Variants in KCNQ5 observed in about 807,000 individuals in gnomAD.
The protein encoded by KCNQ5 is potassium voltage-gated channel subfamily KQT member 5.
In KCNQ5, 30 loss-of-function variants were observed where a neutral mutation model predicts 98.2. The ratio of observed to expected loss-of-function variants is 0.31; its 90% CI spans 0.23 to 0.41. KCNQ5 has a LOEUF of 0.41. Ranked by LOEUF, KCNQ5 falls within the 10% of genes least tolerant of loss-of-function variation. The pLI is 1.00. For missense variants in KCNQ5, 835 were observed against 1,182.5 expected (o/e 0.71, Z 4.31); for synonymous variants, 458 against 449.4 (o/e 1.02, Z -0.24).
intron 1 of KCNQ5, among the ~76,000 whole-genome samples, chr6:72,776,617 A>G (rs944922177): frequency 6.6e-6 from 1 of 152,228 alleles, no homozygotes; most frequent in Non-Finnish European, 1.5e-5. Flanking sequence ...CCTTAACTTC[A>G]CATGAAATAA....
At position 73,063,714 on chromosome 6, in the gene KCNQ5, AGATAGAT is replaced by A. The variant is rs1162750748; in HGVS notation, c.617-13600_617-13594del. ...TAGATAGATAGATAGATAGATAGAT[AGATAGAT>A]GATAGATAGATAGATAGATAGATAG... is the stretch of plus-strand genomic sequence containing the variant. On this transcript the variant is annotated intron_variant, in intron 3 of 13. Transcript: ENST00000370398. Among the ~76,000 whole-genome samples, 70 of 108,296 alleles carry A rather than the reference AGATAGAT, an allele frequency of 6.5e-4. 1 individual carries two copies. The highest frequency in any genetic ancestry group is 6.1e-4 in the African/African-American group (18 of 29,348). The allele number at this position is 108,296 out of a possible 152,430, so 71.0% of individuals were successfully genotyped here.
intron 1 of KCNQ5, among the ~76,000 whole-genome samples, chr6:72,639,904 T>G (rs772887924): frequency 9.9e-5 from 15 of 151,868 alleles, no homozygotes; most frequent in Admixed American, 1.3e-4. Context: ...TTAAAGTAAT[T>G]GAGAATAACA....
intron 1 of KCNQ5, among the ~76,000 whole-genome samples, chr6:72,951,204 A>C (rs1766786762): frequency 6.6e-6 from 1 of 152,158 alleles, no homozygotes; most frequent in Non-Finnish European, 1.5e-5. Flanking sequence ...CCCTCAAAAA[A>C]TTATTCTGTT....
Position 73,077,747 on chromosome 6 carries a change from TC to T in KCNQ5, c.793-13del, listed in dbSNP as rs746410099. On this transcript the variant is annotated splice_polypyrimidine_tract_variant and intron_variant, in intron 4 of 13. Transcript: ENST00000370398. Reference sequence around the variant, plus strand: ...TTTCCCACCTCTAAAAATCTTTCATTCCTTTTATATCTAGGAATTAATCACA... The same window carrying T: ...TTTCCCACCTCTAAAAATCTTTCATTCTTTTATATCTAGGAATTAATCACA... 4.4e-6 allele frequency: 7 copies of T among 1,590,506 alleles called. No individual in the cohort carries two copies. The highest frequency in any genetic ancestry group is 1.7e-4 in the Middle Eastern group (1 of 5,942).
chr6:73,173,598 T>C (rs554560293), intron 11 of KCNQ5, among the ~76,000 whole-genome samples: 40 of 152,310 alleles, frequency 2.6e-4, no homozygotes, highest in African/African-American at 7.5e-4. Flanking sequence ...AGTCATTACA[T>C]ATATATACAT....
intron 9 of KCNQ5, among the ~76,000 whole-genome samples, chr6:73,130,293 T>A (rs1460630068): frequency 6.6e-6 from 1 of 152,222 alleles, no homozygotes; most frequent in Non-Finnish European, 1.5e-5. Flanking sequence ...CACAGTTGCC[T>A]GGCAGAGAAC....
chr6:72,750,706 T>C (rs1561959269), intron 1 of KCNQ5, among the ~76,000 whole-genome samples: 1 of 152,078 alleles, frequency 6.6e-6, no homozygotes, highest in Non-Finnish European at 1.5e-5. Context: ...TTAAAAATGC[T>C]TTGAATAATT....
intron 10 of KCNQ5, among the ~76,000 whole-genome samples, chr6:73,155,869 A>G (rs1055646255): frequency 6.6e-6 from 1 of 152,260 alleles, no homozygotes; most frequent in Non-Finnish European, 1.5e-5. Flanking sequence ...AAACATCTAG[A>G]GTAAAAAATA....
intron 1 of KCNQ5, among the ~76,000 whole-genome samples, chr6:72,778,097 G>T (rs1299927992): frequency 1.3e-5 from 2 of 152,148 alleles, no homozygotes; most frequent in Non-Finnish European, 2.9e-5. Flanking sequence ...AGCATAAGTG[G>T]AAAAGTGGGA....
chr6:72,882,361 G>C (rs1778666450), intron 1 of KCNQ5, among the ~76,000 whole-genome samples: 1 of 152,172 alleles, frequency 6.6e-6, no homozygotes, highest in East Asian at 1.9e-4. Flanking sequence ...AGATTCATTT[G>C]CATAATTGTT....
chr6:72,701,714 T>G (rs987320114), intron 1 of KCNQ5, among the ~76,000 whole-genome samples: 1 of 151,974 alleles, frequency 6.6e-6, no homozygotes, highest in Non-Finnish European at 1.5e-5. Flanking sequence ...GGCTAATTTA[T>G]TTTTATTTTT....
chr6:73,075,053 C>T (rs1354765527), intron 3 of KCNQ5, among the ~76,000 whole-genome samples: 3 of 152,104 alleles, frequency 2.0e-5, no homozygotes, highest in African/African-American at 7.2e-5. Flanking sequence ...GATGTGTTTG[C>T]ACATAACTCT....
Position 73,195,572 on chromosome 6 carries a change from A to G in KCNQ5, c.*158A>G. The G allele has an allele frequency of 1.1e-6, 1 of 894,964 alleles. No individual in the cohort carries two copies. The highest frequency in any genetic ancestry group is 1.7e-5 in the South Asian group (1 of 57,168). 55.4% of individuals were successfully genotyped at this position (894,964 alleles called of 1,614,324 possible). A position where few individuals can be genotyped will look rare whatever the true frequency, so the allele number is the denominator to read the frequency against. Reference sequence around the variant, plus strand: ...TTACCTTTTAATTGCATGAAAATGCATGTTTAGGGATGGCTAAAATTCCAA... The same window carrying G: ...TTACCTTTTAATTGCATGAAAATGCGTGTTTAGGGATGGCTAAAATTCCAA... On this transcript the variant is annotated 3_prime_UTR_variant, in exon 14 of 14. Transcript: ENST00000370398.
At chr6:72,848,666 G>C (rs142773465) in intron 1 of KCNQ5, among the ~76,000 whole-genome samples, 1 of 152,222 alleles carries the variant, frequency 6.6e-6, no homozygotes, top group Admixed American at 6.5e-5. Flanking sequence ...TGATTGACAA[G>C]ATTAAACATA....
rs71540364 is a variant in KCNQ5 at position 72,988,649 on chromosome 6, C to CTTT, written c.399-15243_399-15241dup. On this transcript the variant is annotated intron_variant, in intron 1 of 13. Transcript: ENST00000370398. ...ACTTGGGGAAAAAAAGCATGATTTT[C>CTTT]TTTTTTTTTTTTTTTTTTATTATAC... is the stretch of plus-strand genomic sequence containing the variant. Among the ~76,000 whole-genome samples the CTTT allele has an allele frequency of 3.1e-3, 400 of 127,788 alleles. 6 individuals are homozygous for CTTT. The highest frequency in any genetic ancestry group is 0.013 in the Admixed American group (160 of 12,368). 83.8% of individuals were successfully genotyped at this position (127,788 alleles called of 152,430 possible).
intron 1 of KCNQ5, among the ~76,000 whole-genome samples, chr6:72,889,209 C>T (rs764899154): frequency 1.1e-4 from 17 of 152,086 alleles, no homozygotes; most frequent in Non-Finnish European, 1.9e-4. Context: ...GTATTCCAGG[C>T]AGCAGCAACA....
chr6:73,100,785 T>C lies in KCNQ5; in HGVS notation c.919-4472T>C, dbSNP rs549912364. ...GGAGAGAAGACCCAAATAAATAAAA[T>C]CAGAGATGAAAAAGGAGACATTAAA... On this transcript the variant is annotated intron_variant, in intron 5 of 13. Transcript: ENST00000370398. Among the ~76,000 whole-genome samples, 24 of 151,214 alleles carry C rather than the reference T, an allele frequency of 1.6e-4. 1 individual carries two copies. The highest frequency in any genetic ancestry group is 5.3e-4 in the African/African-American group (22 of 41,302).
In KCNQ5 at chr6:73,091,354, G is replaced by A. The variant is rs143089355; in HGVS notation, c.918+13467G>A. On this transcript the variant is annotated intron_variant, in intron 5 of 13. Transcript: ENST00000370398. ...GGGGGCTGGGGGAGGGATAGCATTAGGAGAAATACCTAATGTAAATGATGA... is the reference window on the plus strand; with the variant it reads ...GGGGGCTGGGGGAGGGATAGCATTAAGAGAAATACCTAATGTAAATGATGA... Among the ~76,000 whole-genome samples the A allele has an allele frequency of 4.8e-3, 732 of 152,158 alleles. 3 individuals carry two copies. Among genetic ancestry groups the A allele is most frequent in the African/African-American group, 0.017 (697 of 41,530 alleles).
At chr6:72,698,644 TCTTC>T (rs1419480223) in intron 1 of KCNQ5, among the ~76,000 whole-genome samples, 42 of 124,108 alleles carry the variant, frequency 3.4e-4, no homozygotes, top group African/African-American at 1.5e-3. Context: ...TTTTTCTTCT[TCTTC>T]TTTTTTTTTT....
Sources: gnomAD v4.1 joint callset for allele counts (sites outside exome capture counted in the v4.1 genomes callset) on GRCh38, gnomAD v4.1.1 for gene constraint, MANE v1.5 for transcripts, NCBI Gene and HGNC (gene_info 2026-07-23, HGNC 2026-07-21) for gene names.